EEF2K: variants seen among roughly 807,000 people sequenced by gnomAD.
The protein encoded by EEF2K is eukaryotic elongation factor 2 kinase, also known as alternative protein EEF2K.
In EEF2K, 70 loss-of-function variants were observed where a neutral mutation model predicts 93.8. That is an observed-to-expected ratio of 0.75 (90% confidence interval 0.62 to 0.91). The LOEUF (loss-of-function observed/expected upper bound fraction) is 0.91. EEF2K is among the 40% of genes least tolerant of loss of function. EEF2K has a pLI of 0.00. For synonymous variants in EEF2K, 376 were observed against 380.8 expected (o/e 0.99, Z 0.15); for missense variants, 935 against 972.9 (o/e 0.96, Z 0.52).
At chr16:22,248,710 A>G (rs186631956) in intron 3 of EEF2K, 45 bp from the exon 4 acceptor site, 18 of 1,610,574 alleles carry the variant, frequency 1.1e-5, no homozygotes, top group Non-Finnish European at 1.4e-5. Flanking sequence ...GAGAAACAGG[A>G]CCACGTGATG....
At chr16:22,258,808 T>C in intron 10 of EEF2K, 113 bp downstream of exon 10, 1 of 1,408,522 alleles carries the variant, frequency 7.1e-7, no homozygotes, top group Non-Finnish European at 9.7e-7. Context: ...AAAAGGTTCA[T>C]GGCCCCAGTG....
At position 22,283,976 on chromosome 16, in the gene EEF2K, T is replaced by A; in HGVS notation, c.2158T>A (p.Trp720Arg). 6.3e-7 allele frequency: 1 copy of A among 1,581,768 alleles called. No homozygotes were observed. The highest frequency in any genetic ancestry group is 8.6e-7 in the Non-Finnish European group (1 of 1,163,592). The part of the protein sequence containing the change: ...NQYYQKAEEA[W>R]AQMEE ...GTACTACCAAAAGGCTGAAGAGGCC[T>A]GGGCCCAGATGGAGGAGTAACCAGG... The change falls in exon 18 of 18, where the codon TGG becomes AGG. Residue 720 changes from tryptophan (W) to arginine (R), a missense_variant. Coordinates refer to ENST00000263026, the MANE Select transcript of EEF2K (RefSeq NM_013302.5).
chr16:22,232,881 G>GTT (rs111967544), intron 2 of EEF2K, among the ~76,000 whole-genome samples: 2 of 149,494 alleles, frequency 1.3e-5, no homozygotes, highest in South Asian at 4.2e-4. Flanking sequence ...AACCTAAGTG[G>GTT]TTTTTTTTTT....
intron 17 of EEF2K, 45 bp from the exon 18 acceptor site, chr16:22,283,842 C>T (rs1598212580): frequency 5.8e-6 from 9 of 1,543,354 alleles, no homozygotes; most frequent in Non-Finnish European, 7.0e-6. Context: ...CTGGCAAAAA[C>T]AACAGGTGGT....
intron 1 of EEF2K, among the ~76,000 whole-genome samples, chr16:22,219,794 T>C (rs1283078597): frequency 6.6e-6 from 1 of 152,204 alleles, no homozygotes; most frequent in Non-Finnish European, 1.5e-5. Context: ...AGGATTGTTA[T>C]GCTGTCCCAT....
chr16:22,255,974 C>T (rs2047394598), intron 6 of EEF2K, among the ~76,000 whole-genome samples: 2 of 151,802 alleles, frequency 1.3e-5, no homozygotes, highest in South Asian at 4.2e-4. Flanking sequence ...AGTGCAGTGA[C>T]ATGATCTTGG....
intron 15 of EEF2K, among the ~76,000 whole-genome samples, chr16:22,268,206 T>C (rs1486638126): frequency 6.6e-6 from 1 of 152,088 alleles, no homozygotes; most frequent in Non-Finnish European, 1.5e-5. Flanking sequence ...TGAGACAGAG[T>C]CTCGCTTTGT....
At chr16:22,232,231 T>G (rs148340513) in intron 2 of EEF2K, among the ~76,000 whole-genome samples, 2 of 152,166 alleles carry the variant, frequency 1.3e-5, no homozygotes, top group African/African-American at 4.8e-5. Context: ...TTAATTTTTA[T>G]TTTTTTAATT....
At chr16:22,280,029 A>G (rs976474345) in intron 16 of EEF2K, among the ~76,000 whole-genome samples, 169 bp from the exon 17 acceptor site, 2 of 125,572 alleles carry the variant, frequency 1.6e-5, no homozygotes, top group African/African-American at 8.7e-5. Context: ...AATGAATATC[A>G]CAGTATGAAG....
At chr16:22,251,680 C>T (rs1031350155) in intron 6 of EEF2K, among the ~76,000 whole-genome samples, 13 of 152,150 alleles carry the variant, frequency 8.5e-5, no homozygotes, top group Non-Finnish European at 1.9e-4. Context: ...CTGCCTTGGC[C>T]TCCCAAAGTG....
intron 13 of EEF2K, among the ~76,000 whole-genome samples, chr16:22,265,579 G>A (rs569064712): frequency 1.8e-4 from 27 of 152,292 alleles, no homozygotes; most frequent in African/African-American, 6.5e-4. Flanking sequence ...GTGGTATTTT[G>A]TAGCCAGATT....
chr16:22,225,583 G>T, intron 1 of EEF2K, 71 bp from the exon 2 acceptor site: 2 of 1,237,188 alleles, frequency 1.6e-6, no homozygotes, highest in Non-Finnish European at 2.2e-6. Context: ...TGCAGCATTT[G>T]GGGTGAGGGT....
chr16:22,266,833 A>C lies in EEF2K; in HGVS notation c.1721A>C (p.Tyr574Ser), dbSNP rs1337600761. 14 of 1,613,640 alleles carry C rather than the reference A, an allele frequency of 8.7e-6. No homozygotes were observed. Among genetic ancestry groups the C allele is most frequent in the African/African-American group, 1.3e-5 (1 of 74,890 alleles). The change falls in exon 15 of 18, where the codon TAC becomes TCC. Residue 574 changes from tyrosine to serine, a missense_variant. Coordinates refer to ENST00000263026, the MANE Select transcript of EEF2K (RefSeq NM_013302.5). ...GCCATCGTGGGCCTGGGACTCATGT[A>C]CTCGCAGTTGCCTCATCACATCCTA... ...LEAIVGLGLM[Y>S]SQLPHHILAD...
At chr16:22,274,809 A>T (rs1424057552) in intron 16 of EEF2K, among the ~76,000 whole-genome samples, 1 of 151,760 alleles carries the variant, frequency 6.6e-6, no homozygotes, top group Non-Finnish European at 1.5e-5. Context: ...GGGTCTCACT[A>T]TGTTGTTCAG....
In EEF2K at chr16:22,280,194, C is replaced by A; in HGVS notation, c.1890-4C>A. The A allele has an allele frequency of 6.8e-7, 1 of 1,473,862 alleles. No homozygotes were observed. The highest frequency in any genetic ancestry group is 9.0e-7 in the Non-Finnish European group (1 of 1,105,694). The allele number at this position is 1,473,862 out of a possible 1,614,324, so 91.3% of individuals were successfully genotyped here. On this transcript the variant is annotated splice_polypyrimidine_tract_variant and splice_region_variant and intron_variant, in intron 16 of 17. Coordinates refer to ENST00000263026, the MANE Select transcript of EEF2K (RefSeq NM_013302.5). ...CCACCTTTCCCTCTGTATCTCCTGG[C>A]AAGGTGCCAAGACTGGCTAGAGGCC...
Position 22,256,644 on chromosome 16 carries a change from G to A in EEF2K, c.619-104G>A. On this transcript the variant is annotated intron_variant, in intron 6 of 17. Coordinates refer to ENST00000263026, the MANE Select transcript of EEF2K (RefSeq NM_013302.5). ...GAGAGCTAGTAAGTCATGGAGCCAG[G>A]GTCTGAGCCCAGGCAGGCGAGTTCC... is the stretch of plus-strand genomic sequence containing the variant. The A allele has an allele frequency of 4.3e-6, 6 of 1,400,372 alleles. No individual in the cohort carries two copies. In the East Asian group the frequency reaches 1.0e-4, roughly 23 times the overall value. The allele number at this position is 1,400,372 out of a possible 1,614,324, so 86.7% of individuals were successfully genotyped here.
At chr16:22,229,371 C>G (rs935728034) in intron 2 of EEF2K, among the ~76,000 whole-genome samples, 2 of 152,100 alleles carry the variant, frequency 1.3e-5, no homozygotes, top group Non-Finnish European at 2.9e-5. Context: ...GAAAAGTGTA[C>G]TTATTTTGGT....
intron 1 of EEF2K, among the ~76,000 whole-genome samples, chr16:22,210,817 C>T (rs1207585552): frequency 2.6e-5 from 4 of 152,064 alleles, no homozygotes; most frequent in Non-Finnish European, 4.4e-5. Context: ...AGACAGAGGG[C>T]ATAGCATGTT....
intron 11 of EEF2K, among the ~76,000 whole-genome samples, chr16:22,261,324 A>G (rs2047459941): frequency 2.0e-5 from 3 of 151,796 alleles, no homozygotes; most frequent in Admixed American, 6.6e-5. Context: ...GCAGTAAGCC[A>G]TCATCACACC....
Sources: gnomAD v4.1 joint callset for allele counts (sites outside exome capture counted in the v4.1 genomes callset) on GRCh38, gnomAD v4.1.1 for gene constraint, MANE v1.5 for transcripts, NCBI Gene and HGNC (gene_info 2026-07-23, HGNC 2026-07-21) for gene names.